The following TSHZ2 variants were observed in gnomAD, a reference collection of about 807,000 sequenced individuals.
TSHZ2 encodes the protein teashirt homolog 2.
Under a neutral mutation model 74.4 loss-of-function variants are expected in TSHZ2, and 21 were observed. That is an observed-to-expected ratio of 0.28 (90% confidence interval 0.20 to 0.41). TSHZ2 has a LOEUF of 0.41. TSHZ2 is among the 10% of genes least tolerant of loss of function. TSHZ2 has a pLI of 1.00. For synonymous variants in TSHZ2, 540 were observed against 515.3 expected (o/e 1.05, Z -0.65); for missense variants, 1,244 against 1,293.5 (o/e 0.96, Z 0.59).
chr20:53,002,350 G>A (rs1440461186), intron 1 of TSHZ2, among the ~76,000 whole-genome samples: 2 of 152,186 alleles, frequency 1.3e-5, no homozygotes, highest in Non-Finnish European at 2.9e-5. Flanking sequence ...TTCATACTTT[G>A]TGGAGCGTCC....
intron 1 of TSHZ2, among the ~76,000 whole-genome samples, chr20:53,007,818 A>G (rs1255355061): frequency 6.6e-6 from 1 of 152,034 alleles, no homozygotes; most frequent in Non-Finnish European, 1.5e-5. Context: ...TGAGCATGAC[A>G]TGGTTAATGA....
chr20:52,975,663 G>T (rs867590283), intron 1 of TSHZ2, among the ~76,000 whole-genome samples: 2 of 152,030 alleles, frequency 1.3e-5, no homozygotes, highest in Non-Finnish European at 2.9e-5. Flanking sequence ...AGCTGAAAAA[G>T]GATGATTCAT....
chr20:53,286,886 TACACACACACAC>T (rs71194467), intron 2 of TSHZ2, among the ~76,000 whole-genome samples: 92 of 139,530 alleles, frequency 6.6e-4, no homozygotes, highest in East Asian at 4.0e-3. Flanking sequence ...GTCTCAAAAA[TACACACACACAC>T]ACACACACAC....
chr20:53,228,580 C>G (rs933862282), intron 1 of TSHZ2, among the ~76,000 whole-genome samples: 1 of 152,044 alleles, frequency 6.6e-6, no homozygotes, highest in Non-Finnish European at 1.5e-5. Context: ...CTGGCCTCTG[C>G]CCATTGGATG....
intron 1 of TSHZ2, among the ~76,000 whole-genome samples, chr20:52,989,620 G>A (rs1220589782): frequency 6.6e-6 from 1 of 152,090 alleles, no homozygotes; most frequent in Admixed American, 6.5e-5. Context: ...TTAAAAAGGT[G>A]ATACTTATTA....
intron 2 of TSHZ2, among the ~76,000 whole-genome samples, chr20:53,486,070 C>T (rs564996325): frequency 1.3e-5 from 2 of 152,270 alleles, no homozygotes; most frequent in African/African-American, 4.8e-5. Flanking sequence ...CATCCCCAGT[C>T]CCTGGCAACC....
intron 2 of TSHZ2, among the ~76,000 whole-genome samples, chr20:53,464,680 G>C (rs1276719004): frequency 2.0e-5 from 3 of 152,060 alleles, no homozygotes; most frequent in African/African-American, 7.2e-5. Context: ...TGTTACCCAG[G>C]CTGGTGTCAA....
chr20:53,013,872 C>T (rs970506064), intron 1 of TSHZ2, among the ~76,000 whole-genome samples: 1 of 152,176 alleles, frequency 6.6e-6, no homozygotes, highest in African/African-American at 2.4e-5. Flanking sequence ...ATTTATGACA[C>T]TCTTACTGTG....
chr20:53,165,441 A>T (rs1429571872), intron 1 of TSHZ2, among the ~76,000 whole-genome samples: 1 of 152,214 alleles, frequency 6.6e-6, no homozygotes, highest in Non-Finnish European at 1.5e-5. Flanking sequence ...ACACCTTGTC[A>T]CATTGTCGTG....
chr20:53,438,135 A>C (rs1243000883), intron 2 of TSHZ2, among the ~76,000 whole-genome samples: 1 of 143,366 alleles, frequency 7.0e-6, no homozygotes, highest in Admixed American at 7.2e-5. Context: ...TTGGAGACAG[A>C]GTCTCACTCT....
At chr20:53,470,110 TAGTCTC>T (rs1475601365) in intron 2 of TSHZ2, among the ~76,000 whole-genome samples, 2 of 152,196 alleles carry the variant, frequency 1.3e-5, no homozygotes, top group Non-Finnish European at 2.9e-5. Context: ...CGACAGCAAT[TAGTCTC>T]AGTCTCTGTT....
intron 2 of TSHZ2, among the ~76,000 whole-genome samples, chr20:53,303,841 G>A (rs1260084172): frequency 6.6e-6 from 1 of 152,066 alleles, no homozygotes; most frequent in Non-Finnish European, 1.5e-5. Context: ...TTGAACCAGG[G>A]CTCACCATGT....
At chr20:53,004,269 C>T (rs1265251863) in intron 1 of TSHZ2, among the ~76,000 whole-genome samples, 1 of 151,864 alleles carries the variant, frequency 6.6e-6, no homozygotes, top group Admixed American at 6.6e-5. Flanking sequence ...TAGGAAAACA[C>T]ACATTGCTCA....
chr20:53,060,018 G>A (rs1845358859), intron 1 of TSHZ2, among the ~76,000 whole-genome samples: 7 of 152,182 alleles, frequency 4.6e-5, no homozygotes, highest in Admixed American at 4.6e-4. Flanking sequence ...ATGTAAAAGT[G>A]TGTAATTTTA....
At chr20:53,049,207 A>G (rs1019433433) in intron 1 of TSHZ2, among the ~76,000 whole-genome samples, 4 of 152,130 alleles carry the variant, frequency 2.6e-5, no homozygotes, top group Admixed American at 6.5e-5. Flanking sequence ...AGGACCAAAG[A>G]GGGGCCCCTA....
In TSHZ2 at chr20:53,132,577, AC is replaced by A. The variant is rs1427039777; in HGVS notation, c.41-120919del. ...TTACAGGCATAAGCCATGACACCCA[AC>A]CCTGCCCATAATTTTTTTTGTCCTC... is the stretch of plus-strand genomic sequence containing the variant. On this transcript the variant is annotated intron_variant, in intron 1 of 2. Transcript: ENST00000371497. 2.0e-5 allele frequency among the ~76,000 whole-genome samples: 3 copies of A among 151,800 alleles called. No individual in the cohort carries two copies. In the East Asian group the frequency reaches 5.8e-4, roughly 29 times the overall value.
chr20:53,241,076 A>G (rs936476419), intron 1 of TSHZ2, among the ~76,000 whole-genome samples: 1 of 152,118 alleles, frequency 6.6e-6, no homozygotes, highest in Admixed American at 6.5e-5. Flanking sequence ...GCCTCTTCCT[A>G]TTTACCCATT....
At chr20:53,343,696 T>C (rs1175582719) in intron 2 of TSHZ2, among the ~76,000 whole-genome samples, 2 of 152,200 alleles carry the variant, frequency 1.3e-5, no homozygotes, top group Non-Finnish European at 2.9e-5. Context: ...TTTGTACCCA[T>C]GGAGTCCTCT....
At chr20:53,211,007 G>A (rs978912175) in intron 1 of TSHZ2, among the ~76,000 whole-genome samples, 3 of 152,088 alleles carry the variant, frequency 2.0e-5, no homozygotes, top group Non-Finnish European at 4.4e-5. Flanking sequence ...AAAAACAAAT[G>A]GATAATTATG....
Sources: allele counts gnomAD v4.1 joint callset (sites outside exome capture counted in the v4.1 genomes callset), GRCh38; gene constraint gnomAD v4.1.1; transcripts MANE v1.5; gene names NCBI Gene and HGNC (gene_info 2026-07-23, HGNC 2026-07-21).